The following CFAP43 variants were observed in gnomAD, a reference collection of about 807,000 sequenced individuals.
CFAP43 encodes the protein cilia- and flagella-associated protein 43.
CFAP43 carries 155 observed loss-of-function variants against 218.9 expected under a neutral mutation model. The observed-to-expected ratio is 0.71, with a 90% CI of 0.62 to 0.81. The LOEUF (loss-of-function observed/expected upper bound fraction) is 0.81, where lower values mean the gene tolerates loss of function less well. CFAP43 is among the 30% of genes least tolerant of loss of function. The pLI is 0.00. For missense variants in CFAP43, 1,778 were observed against 1,954.3 expected (o/e 0.91, Z 1.70); for synonymous variants, 645 against 681.3 (o/e 0.95, Z 0.83).
intron 16 of CFAP43, among the ~76,000 whole-genome samples, chr10:104,183,174 G>GC (rs1331935626): frequency 6.6e-6 from 1 of 152,090 alleles, no homozygotes; most frequent in Non-Finnish European, 1.5e-5. Flanking sequence ...AACTTTGGAC[G>GC]CATCAGCATC....
At position 104,162,184 on chromosome 10, in the gene CFAP43, G is replaced by C. The variant is rs1461461367; in HGVS notation, c.3333+133C>G. 4 of 1,218,918 alleles carry C rather than the reference G, an allele frequency of 3.3e-6. No individual in the cohort carries two copies. The African/African-American group carries it at 6.0e-5, about 18-fold the overall frequency. The allele number at this position is 1,218,918 out of a possible 1,614,324, so 75.5% of individuals were successfully genotyped here. ...AGGTAGTGCCTGGAGGAGAGAAGGGGAAAGGAGGCCAACTGAGATTCAAGT... is the reference window on the plus strand; with the variant it reads ...AGGTAGTGCCTGGAGGAGAGAAGGGCAAAGGAGGCCAACTGAGATTCAAGT... On this transcript the variant is annotated intron_variant, in intron 25 of 37. Transcript: ENST00000357060.
At chr10:104,183,496 T>C (rs2089924738) in intron 16 of CFAP43, among the ~76,000 whole-genome samples, 1 of 151,532 alleles carries the variant, frequency 6.6e-6, no homozygotes, top group African/African-American at 2.4e-5. Context: ...TTCACGCCAT[T>C]CTCCTGCCTC....
intron 20 of CFAP43, among the ~76,000 whole-genome samples, chr10:104,169,732 A>G (rs762898717): frequency 1.2e-4 from 18 of 152,058 alleles, no homozygotes; most frequent in Non-Finnish European, 2.4e-4. Flanking sequence ...GTCTGATTAA[A>G]TGACTTTAAT....
chr10:104,170,500 G>C (rs1440918655), intron 20 of CFAP43, among the ~76,000 whole-genome samples: 3 of 152,132 alleles, frequency 2.0e-5, no homozygotes, highest in Non-Finnish European at 4.4e-5. Flanking sequence ...CACACACATT[G>C]CTGAGTGGTC....
intron 17 of CFAP43, among the ~76,000 whole-genome samples, chr10:104,180,712 T>C (rs2089806721): frequency 6.6e-6 from 1 of 152,246 alleles, no homozygotes; most frequent in East Asian, 1.9e-4. Flanking sequence ...CCCAAAGTGC[T>C]GGGATTACAG....
chr10:104,214,871 C>T (rs746714604), intron 3 of CFAP43, among the ~76,000 whole-genome samples: 15 of 152,170 alleles, frequency 9.9e-5, no homozygotes, highest in Non-Finnish European at 1.6e-4. Flanking sequence ...GGCGCGGTGG[C>T]TCACGCCTGT....
chr10:104,166,847 C>A, intron 22 of CFAP43, 129 bp from the exon 23 acceptor site: 2 of 777,880 alleles, frequency 2.6e-6, no homozygotes, highest in Non-Finnish European at 4.1e-6. Flanking sequence ...CAACTGAATT[C>A]GAAGTGATGA....
In CFAP43 at chr10:104,211,935, G is replaced by A. The variant is rs2090874595; in HGVS notation, c.735+72C>T. The A allele has an allele frequency of 6.6e-6, 10 of 1,507,038 alleles. No homozygotes were observed. The East Asian group carries it at 2.3e-4, about 35-fold the overall frequency. The allele number at this position is 1,507,038 out of a possible 1,614,324, so 93.4% of individuals were successfully genotyped here. A position where few individuals can be genotyped will look rare whatever the true frequency, so the allele number is the denominator to read the frequency against. ...CCTGCATTTCTCAAGGGATGGTTAT[G>A]CCAATCAAATGAGATCAGGCTTCCT... is the stretch of plus-strand genomic sequence containing the variant. On this transcript the variant is annotated intron_variant, in intron 5 of 37. Transcript: ENST00000357060.
At chr10:104,176,948 A>G (rs1456642039) in intron 19 of CFAP43, among the ~76,000 whole-genome samples, 1 of 152,204 alleles carries the variant, frequency 6.6e-6, no homozygotes, top group Admixed American at 6.5e-5. Flanking sequence ...CAACAAGAAA[A>G]TGACCAATTA....
chr10:104,177,687 A>G (rs536030431), intron 19 of CFAP43, among the ~76,000 whole-genome samples: 29 of 152,298 alleles, frequency 1.9e-4, no homozygotes, highest in African/African-American at 6.3e-4. Context: ...CATCGAACAT[A>G]TCAAGGTGCA....
Position 104,203,790 on chromosome 10 carries a change from T to C in CFAP43, c.977A>G (p.Tyr326Cys). The change falls in exon 8 of 38, where the codon TAT becomes TGT. Residue 326 changes from tyrosine (Y) to cysteine (C), a missense_variant. Transcript: ENST00000357060. ...VLASGIDGFV[Y>C]SFIIKDRSYM... ...ACTTCTATCTTTAATAATAAAAGAA[T>C]ACACAAAGCCATCCTAGAGATGAGT... 2 of 1,604,528 alleles carry C rather than the reference T, an allele frequency of 1.2e-6. No individual in the cohort carries two copies. Among genetic ancestry groups the C allele is most frequent in the Non-Finnish European group, 1.7e-6 (2 of 1,176,670 alleles).
At chr10:104,203,094 A>G (rs1234663563) in intron 8 of CFAP43, among the ~76,000 whole-genome samples, 1 of 152,146 alleles carries the variant, frequency 6.6e-6, no homozygotes, top group Non-Finnish European at 1.5e-5. Context: ...TTTTCTTTGG[A>G]GAACAACCTA....
intron 36 of CFAP43, 113 bp from the exon 37 acceptor site, chr10:104,131,597 C>G (rs2087197568): frequency 8.2e-7 from 1 of 1,225,564 alleles, no homozygotes; most frequent in Non-Finnish European, 1.1e-6. Flanking sequence ...AAGATAACAT[C>G]TTACCGCCAT....
rs2089768106 is a variant in CFAP43, at chr10:104,179,899, C to A, written c.2323G>T (p.Glu775Ter). The change falls in exon 18 of 38, where the codon GAA (glutamate) becomes TAA (stop). Residue 775 changes from glutamate to a stop codon, truncating the protein, a stop_gained. Coordinates refer to ENST00000357060, the MANE Select transcript of CFAP43 (RefSeq NM_025145.7). LOFTEE classifies it high-confidence loss of function. Reference protein sequence around the residue: ...QKASTDLSQDELVLTDVKKEI... With the variant: ...QKASTDLSQD The stretch of plus-strand genomic sequence containing the variant: ...TTCTTAACATCGGTTAGAACTAATT[C>A]ATCTTGTGATAAGTCAGTGCTTGCC... The A allele has an allele frequency of 6.2e-7, 1 of 1,613,738 alleles. No homozygotes were observed.
intron 3 of CFAP43, among the ~76,000 whole-genome samples, chr10:104,218,056 T>C (rs1351940735): frequency 1.3e-5 from 2 of 152,144 alleles, no homozygotes; most frequent in Non-Finnish European, 1.5e-5. Context: ...AAGAAATGCT[T>C]GTGTTTCCAA....
chr10:104,136,399 CT>C (rs1294406090), intron 34 of CFAP43, among the ~76,000 whole-genome samples: 2 of 150,938 alleles, frequency 1.3e-5, no homozygotes, highest in East Asian at 3.9e-4. Flanking sequence ...GAGACAGAGT[CT>C]TACTCTGCCA....
intron 27 of CFAP43, among the ~76,000 whole-genome samples, chr10:104,156,620 C>A (rs931505086): frequency 6.6e-6 from 1 of 152,142 alleles, no homozygotes; most frequent in Non-Finnish European, 1.5e-5. Flanking sequence ...GGGAAAGAAT[C>A]TTTAAACGAT....
intron 16 of CFAP43, among the ~76,000 whole-genome samples, chr10:104,183,301 C>T (rs1334522191): frequency 6.6e-6 from 1 of 152,158 alleles, no homozygotes; most frequent in African/African-American, 2.4e-5. Flanking sequence ...CTACAGACCC[C>T]CTACCTTAAG....
At chr10:104,157,392 G>T in intron 27 of CFAP43, among the ~76,000 whole-genome samples, 1 of 152,158 alleles carries the variant, frequency 6.6e-6, no homozygotes, top group Non-Finnish European at 1.5e-5. Context: ...AACAAAAAAG[G>T]TAATTACAAA....
Sources: gnomAD v4.1 joint callset for allele counts (sites outside exome capture counted in the v4.1 genomes callset) on GRCh38, gnomAD v4.1.1 for gene constraint, MANE v1.5 for transcripts, NCBI Gene and HGNC (gene_info 2026-07-23, HGNC 2026-07-21) for gene names.